The following ARHGAP42 variants were observed in gnomAD, a reference collection of about 807,000 sequenced individuals.
ARHGAP42 encodes rho GTPase-activating protein 42.
In ARHGAP42, 63 loss-of-function variants were observed where a neutral mutation model predicts 125.0. That is an observed-to-expected ratio of 0.50 (90% CI 0.41 to 0.62). The LOEUF is 0.62. Ranked by LOEUF, ARHGAP42 falls within the 20% of genes least tolerant of loss-of-function variation. The pLI is 0.00. For synonymous variants in ARHGAP42, 339 were observed against 351.0 expected, an observed-to-expected ratio of 0.97 and a Z score of 0.38; for missense variants, 766 against 1,024.2, an observed-to-expected ratio of 0.75 and a Z score of 3.44.
rs192551074 is a variant in ARHGAP42 at position 100,822,751 on chromosome 11, C to A, written c.312+27585C>A. On this transcript the variant is annotated intron_variant, in intron 3 of 23. Transcript: ENST00000298815. ...TGCAGTTTGATTGTTACCCTTTTTT[C>A]CCACAGAGTGGAAAGTTTTGCAGTT... Among the ~76,000 whole-genome samples the A allele has an allele frequency of 2.2e-4, 34 of 152,026 alleles. 1 individual carries two copies. The East Asian group carries it at 6.6e-3, about 29-fold the overall frequency.
At chr11:100,770,260 G>A (rs1862941221) in intron 1 of ARHGAP42, 83 bp from the exon 2 acceptor site, 1 of 918,952 alleles carries the variant, frequency 1.1e-6, no homozygotes, top group East Asian at 2.7e-5. Flanking sequence ...CAAAATCAAA[G>A]TTATATAATT....
At position 100,937,436 on chromosome 11, in the gene ARHGAP42, T is replaced by G. The variant is rs186863552; in HGVS notation, c.832+1104T>G. On this transcript the variant is annotated intron_variant, in intron 8 of 23. Transcript: ENST00000298815. Reference sequence around the variant, plus strand: ...GAAATTTTTATTTTTTTTTTATTGTTATGTTTTTTACACAAGCCTGGAAAG... The same window carrying G: ...GAAATTTTTATTTTTTTTTTATTGTGATGTTTTTTACACAAGCCTGGAAAG... Among the ~76,000 whole-genome samples the G allele has an allele frequency of 1.2e-3, 177 of 152,284 alleles. 1 individual carries two copies. The highest frequency in any genetic ancestry group is 2.0e-3 in the Non-Finnish European group (134 of 68,026).
At chr11:100,988,031 G>A (rs7933200) in intron 23 of ARHGAP42, among the ~76,000 whole-genome samples, 50 of 152,264 alleles carry the variant, frequency 3.3e-4, no homozygotes, top group African/African-American at 1.2e-3. Context: ...TGGAGGCTGA[G>A]GCAGGAGAAT....
intron 1 of ARHGAP42, among the ~76,000 whole-genome samples, chr11:100,709,051 T>G (rs995356588): frequency 6.6e-6 from 1 of 151,776 alleles, no homozygotes; most frequent in African/African-American, 2.4e-5. Flanking sequence ...GCTCTTTTTG[T>G]TTTTTTGAGA....
chr11:100,721,984 T>C (rs995139439), intron 1 of ARHGAP42, among the ~76,000 whole-genome samples: 1 of 152,176 alleles, frequency 6.6e-6, no homozygotes, highest in Non-Finnish European at 1.5e-5. Flanking sequence ...TGCTGGATCA[T>C]ATTATAAGAG....
chr11:100,820,979 C>CT (rs1276941388), intron 3 of ARHGAP42, among the ~76,000 whole-genome samples: 16 of 143,986 alleles, frequency 1.1e-4, no homozygotes, highest in Admixed American at 6.9e-4. Context: ...TTTTTGTTTT[C>CT]TTTTTTAGTG....
At chr11:100,950,376 A>G (rs1291809269) in intron 12 of ARHGAP42, among the ~76,000 whole-genome samples, 1 of 148,618 alleles carries the variant, frequency 6.7e-6, no homozygotes, top group Non-Finnish European at 1.5e-5. Flanking sequence ...ATCTATATCA[A>G]TATAAATATA....
At chr11:100,702,535 C>T (rs376099764) in intron 1 of ARHGAP42, among the ~76,000 whole-genome samples, 2 of 150,292 alleles carry the variant, frequency 1.3e-5, no homozygotes, top group African/African-American at 4.9e-5. Flanking sequence ...TAGACTTGCC[C>T]GATGCAGTGT....
chr11:100,729,779 C>A (rs1861923027), intron 1 of ARHGAP42, among the ~76,000 whole-genome samples: 1 of 151,540 alleles, frequency 6.6e-6, no homozygotes, highest in Non-Finnish European at 1.5e-5. Flanking sequence ...ACTGTTTCCC[C>A]TGCTCTGTAA....
At chr11:100,903,518 T>G (rs1866620507) in intron 4 of ARHGAP42, among the ~76,000 whole-genome samples, 1 of 151,208 alleles carries the variant, frequency 6.6e-6, no homozygotes, top group Admixed American at 6.6e-5. Flanking sequence ...GTATGCAGAA[T>G]TATGTAACCC....
intron 1 of ARHGAP42, among the ~76,000 whole-genome samples, chr11:100,703,270 C>T (rs1265922522): frequency 5.3e-5 from 8 of 152,138 alleles, no homozygotes; most frequent in Non-Finnish European, 1.2e-4. Context: ...TGGGTCCAAG[C>T]CATTGGCCCC....
chr11:100,688,479 A>G (rs1030069670), intron 1 of ARHGAP42, among the ~76,000 whole-genome samples: 1 of 152,198 alleles, frequency 6.6e-6, no homozygotes, highest in Non-Finnish European at 1.5e-5. Context: ...GCCAATCAGA[A>G]CTTTTGATGA....
chr11:100,800,303 G>A (rs944866976), intron 3 of ARHGAP42, among the ~76,000 whole-genome samples: 3 of 152,152 alleles, frequency 2.0e-5, no homozygotes, highest in African/African-American at 7.2e-5. Context: ...GAGATGGCAA[G>A]CATAACTACT....
intron 1 of ARHGAP42, among the ~76,000 whole-genome samples, chr11:100,699,723 A>G (rs1054563499): frequency 4.4e-4 from 66 of 151,610 alleles, no homozygotes; most frequent in African/African-American, 1.5e-3. Flanking sequence ...GGGTTTCACC[A>G]TGTTGGCCAG....
intron 3 of ARHGAP42, among the ~76,000 whole-genome samples, chr11:100,835,197 T>A (rs1327084346): frequency 2.0e-5 from 3 of 152,148 alleles, no homozygotes; most frequent in African/African-American, 7.2e-5. Context: ...CCTCCTCTTC[T>A]GTGGTATGTT....
rs74522672 is a variant in ARHGAP42, at chr11:100,823,373, G to C, written c.312+28207G>C. 3.5e-3 allele frequency among the ~76,000 whole-genome samples: 527 copies of C among 152,198 alleles called. 3 individuals carry two copies. Among genetic ancestry groups the C allele is most frequent in the African/African-American group, 0.012 (510 of 41,508 alleles). On this transcript the variant is annotated intron_variant, in intron 3 of 23. Transcript: ENST00000298815. ...TCCTCAGGATGGTGGATCACCTCTT[G>C]CTCCAGCACTGCCTCTGGAAAGGGT...
At chr11:100,887,709 G>A (rs1037236588) in intron 4 of ARHGAP42, among the ~76,000 whole-genome samples, 13 of 152,194 alleles carry the variant, frequency 8.5e-5, no homozygotes, top group Admixed American at 2.0e-4. Context: ...GATGGATACA[G>A]ACAGTCTGCA....
chr11:100,940,554 A>C (rs1867852453), intron 8 of ARHGAP42, among the ~76,000 whole-genome samples: 1 of 152,188 alleles, frequency 6.6e-6, no homozygotes, highest in South Asian at 2.1e-4. Context: ...ATACTGGACA[A>C]TAACATGGGT....
chr11:100,749,091 C>T (rs537333938), intron 1 of ARHGAP42, among the ~76,000 whole-genome samples: 24 of 152,190 alleles, frequency 1.6e-4, no homozygotes, highest in African/African-American at 5.8e-4. Context: ...TTCCCCTTCC[C>T]TAGGGGAGGG....
Sources: gnomAD v4.1 joint callset for allele counts (sites outside exome capture counted in the v4.1 genomes callset) on GRCh38, gnomAD v4.1.1 for gene constraint, MANE v1.5 for transcripts, NCBI Gene and HGNC (gene_info 2026-07-23, HGNC 2026-07-21) for gene names.